HSD17B12: variants seen among roughly 807,000 people sequenced by gnomAD.
The protein encoded by HSD17B12 is hydroxysteroid 17-beta dehydrogenase 12, also known as very-long-chain 3-oxoacyl-CoA reductase.
HSD17B12 carries 32 observed loss-of-function variants against 39.3 expected under a neutral mutation model. That is an observed-to-expected ratio of 0.81 (90% CI 0.61 to 1.09). The LOEUF is 1.09. Among genes scored for constraint, HSD17B12 ranks in the 50% least tolerant of loss-of-function variants. The pLI is 0.00. For synonymous variants in HSD17B12, 150 were observed against 146.7 expected (o/e 1.02, Z -0.16); for missense variants, 342 against 382.9 (o/e 0.89, Z 0.89).
Position 43,855,273 on chromosome 11 carries a change from G to A in HSD17B12, c.*25G>A. 1 of 1,458,312 alleles carries A rather than the reference G, an allele frequency of 6.9e-7. No individual in the cohort carries two copies. The highest frequency in any genetic ancestry group is 1.2e-5 in the South Asian group (1 of 82,840). The allele number at this position is 1,458,312 out of a possible 1,614,324, so 90.3% of individuals were successfully genotyped here. ...AGCATTGATAACTGCATTGTAACTT[G>A]GCCAGATGCTCCAGCATATGCACGT... On this transcript the variant is annotated 3_prime_UTR_variant, in exon 11 of 11. Coordinates refer to ENST00000278353, the MANE Select transcript of HSD17B12 (RefSeq NM_016142.3).
chr11:43,599,997 G>A, the HSD17B12 span, among the ~76,000 whole-genome samples: 1 of 152,034 alleles, frequency 6.6e-6, no homozygotes, highest in African/African-American at 2.4e-5. Flanking sequence ...CTTTACCCTG[G>A]GTTATTCAGT....
chr11:43,612,803 A>G, the HSD17B12 span, among the ~76,000 whole-genome samples: 4 of 152,156 alleles, frequency 2.6e-5, no homozygotes, highest in Non-Finnish European at 5.9e-5. Context: ...AGGGCAGAGT[A>G]TGTGGCTACT....
chr11:43,694,758 A>G (rs1162660617), intron 1 of HSD17B12, among the ~76,000 whole-genome samples: 1 of 152,168 alleles, frequency 6.6e-6, no homozygotes. Context: ...GATCATATGA[A>G]TCAGTCCAGT....
chr11:43,785,617 A>T (rs1950808833), intron 3 of HSD17B12, among the ~76,000 whole-genome samples: 1 of 152,174 alleles, frequency 6.6e-6, no homozygotes, highest in South Asian at 2.1e-4. Context: ...CTTTACATGG[A>T]TGCGTAGTTG....
At chr11:43,669,524 T>C in the HSD17B12 span, among the ~76,000 whole-genome samples, 1 of 151,530 alleles carries the variant, frequency 6.6e-6, no homozygotes, top group Non-Finnish European at 1.5e-5. Context: ...AGAATAGCAA[T>C]TTATTCTCTC....
At chr11:43,701,548 A>G (rs1038472866) in intron 1 of HSD17B12, among the ~76,000 whole-genome samples, 1 of 152,124 alleles carries the variant, frequency 6.6e-6, no homozygotes, top group African/African-American at 2.4e-5. Context: ...TCATTTTTCT[A>G]CATATAACTA....
chr11:43,649,049 C>A, the HSD17B12 span, among the ~76,000 whole-genome samples: 1 of 151,826 alleles, frequency 6.6e-6, no homozygotes, highest in African/African-American at 2.4e-5. Context: ...AAGGAGAATT[C>A]ATTTTTGGTA....
At chr11:43,628,020 A>G in the HSD17B12 span, among the ~76,000 whole-genome samples, 1 of 151,852 alleles carries the variant, frequency 6.6e-6, no homozygotes, top group Non-Finnish European at 1.5e-5. Flanking sequence ...TCTTATAAAC[A>G]GAAATGGTTC....
At chr11:43,741,063 G>A (rs1258995118) in intron 1 of HSD17B12, among the ~76,000 whole-genome samples, 1 of 152,116 alleles carries the variant, frequency 6.6e-6, no homozygotes, top group Middle Eastern at 3.2e-3. Context: ...TGGATGACTT[G>A]GAAGCTGGTC....
chr11:43,756,317 G>A (rs1008137940), intron 3 of HSD17B12, among the ~76,000 whole-genome samples: 7 of 151,808 alleles, frequency 4.6e-5, no homozygotes, highest in Non-Finnish European at 8.8e-5. Flanking sequence ...GGCATTTGAA[G>A]CTTTTAACAT....
At chr11:43,619,235 A>G in the HSD17B12 span, among the ~76,000 whole-genome samples, 1 of 26,630 alleles carries the variant, frequency 3.8e-5, no homozygotes, top group East Asian at 5.9e-4. Flanking sequence ...TATGATATAT[A>G]TATATATAAA....
intron 2 of HSD17B12, among the ~76,000 whole-genome samples, chr11:43,751,598 C>T (rs1378620939): frequency 6.6e-6 from 1 of 152,126 alleles, no homozygotes; most frequent in African/African-American, 2.4e-5. Flanking sequence ...ACTGGATCTT[C>T]TATTTATCAT....
intron 1 of HSD17B12, among the ~76,000 whole-genome samples, chr11:43,743,800 C>T (rs903952091): frequency 2.6e-5 from 4 of 152,092 alleles, no homozygotes; most frequent in African/African-American, 9.6e-5. Flanking sequence ...GAACTCTAAT[C>T]GATATTTTAA....
intron 8 of HSD17B12, among the ~76,000 whole-genome samples, chr11:43,838,668 G>T (rs1951394756): frequency 6.6e-6 from 1 of 151,990 alleles, no homozygotes; most frequent in South Asian, 2.1e-4. Flanking sequence ...GCACTCTACT[G>T]ATTTTGAAAG....
At position 43,800,048 on chromosome 11, in the gene HSD17B12, C is replaced by T. The variant is rs149155006; in HGVS notation, c.391+1621C>T. Among the ~76,000 whole-genome samples the T allele has an allele frequency of 6.5e-3, 986 of 152,346 alleles. 11 individuals are homozygous for T. Among genetic ancestry groups the T allele is most frequent in the African/African-American group, 0.022 (931 of 41,582 alleles). ...TATATGTATTGCTGGGAGTCCTTCA[C>T]AGTTTCCTCTTCCTTAGCCTAGATC... On this transcript the variant is annotated intron_variant, in intron 4 of 10. Coordinates refer to ENST00000278353, the MANE Select transcript of HSD17B12 (RefSeq NM_016142.3).
intron 3 of HSD17B12, chr11:43,755,063 A>G (rs1320060306): frequency 4.8e-6 from 2 of 419,924 alleles, no homozygotes; most frequent in African/African-American, 2.0e-5. Flanking sequence ...ATCCTCACAA[A>G]TCAAATTGTT....
intron 1 of HSD17B12, among the ~76,000 whole-genome samples, chr11:43,743,830 A>G (rs1950390374): frequency 1.3e-5 from 2 of 152,222 alleles, no homozygotes; most frequent in Non-Finnish European, 2.9e-5. Flanking sequence ...GATGAGAGTG[A>G]CCAAAACAAT....
At chr11:43,684,776 G>T (rs919952240) in intron 1 of HSD17B12, among the ~76,000 whole-genome samples, 1 of 152,128 alleles carries the variant, frequency 6.6e-6, no homozygotes, top group Non-Finnish European at 1.5e-5. Context: ...TCACAGGGTT[G>T]TGCAACCATC....
At chr11:43,845,309 C>A (rs1048315924) in intron 9 of HSD17B12, among the ~76,000 whole-genome samples, 4 of 152,202 alleles carry the variant, frequency 2.6e-5, no homozygotes, top group Admixed American at 6.5e-5. Flanking sequence ...TCATATGTAA[C>A]CACAATACCC....
Sources: allele counts gnomAD v4.1 joint callset (sites outside exome capture counted in the v4.1 genomes callset), GRCh38; gene constraint gnomAD v4.1.1; transcripts MANE v1.5; gene names NCBI Gene and HGNC (gene_info 2026-07-23, HGNC 2026-07-21).